FER1L6: variants seen among roughly 807,000 people sequenced by gnomAD.
FER1L6 encodes the protein fer-1 like family member 6.
A neutral mutation model predicts 219.2 loss-of-function variants in FER1L6; 177 were observed. The ratio of observed to expected loss-of-function variants is 0.81; its 90% CI spans 0.71 to 0.91. The LOEUF (loss-of-function observed/expected upper bound fraction) is 0.91. FER1L6 is among the 40% of genes least tolerant of loss of function. The pLI, the probability that FER1L6 is intolerant of heterozygous loss-of-function variation, is 0.00. For missense variants in FER1L6, 2,153 were observed against 2,259.9 expected, an observed-to-expected ratio of 0.95 and a Z score of 0.96; for synonymous variants, 768 against 824.3, an observed-to-expected ratio of 0.93 and a Z score of 1.17.
chr8:123,967,438 C>T (rs1006203004), intron 5 of FER1L6, among the ~76,000 whole-genome samples: 7 of 152,186 alleles, frequency 4.6e-5, no homozygotes, highest in Admixed American at 4.6e-4. Flanking sequence ...ATATACTAAA[C>T]CAGTCAGTCT....
In FER1L6 at chr8:123,882,978, G is replaced by C. The variant is rs1418080354; in HGVS notation, c.-8+30793G>C. On this transcript the variant is annotated intron_variant, in intron 1 of 40. Transcript: ENST00000522917. ...ATGATGGGGAAGGGTATACATGTGTGGGGGTTGGGGGTGTGTAGGAACTCT... is the reference window on the plus strand; with the variant it reads ...ATGATGGGGAAGGGTATACATGTGTCGGGGTTGGGGGTGTGTAGGAACTCT... 4.9e-4 allele frequency among the ~76,000 whole-genome samples: 75 copies of C among 152,178 alleles called. 1 individual carries two copies. Among genetic ancestry groups the C allele is most frequent in the Non-Finnish European group, 1.5e-5 (1 of 68,032 alleles).
chr8:123,948,509 T>C (rs1244647483), intron 1 of FER1L6, among the ~76,000 whole-genome samples: 1 of 152,240 alleles, frequency 6.6e-6, no homozygotes, highest in African/African-American at 2.4e-5. Flanking sequence ...TCATCTTATT[T>C]TGTAATTTCC....
At chr8:123,906,586 G>GGTCA (rs1335836021) in intron 1 of FER1L6, among the ~76,000 whole-genome samples, 1 of 151,948 alleles carries the variant, frequency 6.6e-6, no homozygotes, top group Non-Finnish European at 1.5e-5. Context: ...GATTACTTGT[G>GGTCA]GTCAGGAGTT....
At chr8:124,098,349 C>G (rs1040500620) in intron 37 of FER1L6, among the ~76,000 whole-genome samples, 1 of 152,090 alleles carries the variant, frequency 6.6e-6, no homozygotes, top group African/African-American at 2.4e-5. Flanking sequence ...CATCTTGGCT[C>G]TGCTTCCTTT....
At chr8:124,061,056 T>A (rs1209037117) in intron 24 of FER1L6, among the ~76,000 whole-genome samples, 4 of 152,196 alleles carry the variant, frequency 2.6e-5, no homozygotes, top group Non-Finnish European at 5.9e-5. Context: ...GAAGGCCAGA[T>A]GTTTCTGGTT....
intron 1 of FER1L6, among the ~76,000 whole-genome samples, chr8:123,946,207 G>A (rs1814478236): frequency 1.3e-5 from 2 of 152,088 alleles, no homozygotes; most frequent in Admixed American, 1.3e-4. Context: ...TCTCTGGACT[G>A]GACCTCAATT....
At chr8:123,882,860 C>T (rs28759021) in intron 1 of FER1L6, among the ~76,000 whole-genome samples, 21,287 of 151,960 alleles carry the variant, frequency 0.14, 1,526 homozygotes, top group Middle Eastern at 0.2. Context: ...AAGAGTGAAC[C>T]GTAATAAAAA....
chr8:124,015,761 A>G (rs547849820), intron 15 of FER1L6: 1 of 152,398 alleles, frequency 6.6e-6, no homozygotes, highest in South Asian at 2.1e-4. Flanking sequence ...TTGGGATGAT[A>G]GCTAATCATT....
rs752590780 is a variant in FER1L6 at position 124,023,451 on chromosome 8, A to C, written c.2141A>C (p.His714Pro). 3.1e-6 allele frequency: 5 copies of C among 1,613,836 alleles called. No homozygotes were observed. The African/African-American group carries it at 6.7e-5, about 22-fold the overall frequency. The change falls in exon 18 of 41, where the codon CAC becomes CCC. Residue 714 changes from histidine (H) to proline (P), a missense_variant. Coordinates refer to ENST00000522917, the MANE Select transcript of FER1L6 (RefSeq NM_001039112.2). ...KIRFLVDEPQ[H>P]TIPDVFIWML... Reference sequence around the variant, plus strand: ...CTCCCTCTATTCCCACAGCCCCAGCACACTATCCCTGACGTTTTCATCTGG... The same window carrying C: ...CTCCCTCTATTCCCACAGCCCCAGCCCACTATCCCTGACGTTTTCATCTGG...
chr8:123,937,427 G>C (rs768362701), intron 1 of FER1L6, among the ~76,000 whole-genome samples: 27 of 152,126 alleles, frequency 1.8e-4, no homozygotes, highest in Non-Finnish European at 3.4e-4. Context: ...CTGGACCAAT[G>C]GGTGAGGTCA....
At chr8:123,955,317 C>A (rs1422593544) in intron 1 of FER1L6, among the ~76,000 whole-genome samples, 1 of 152,164 alleles carries the variant, frequency 6.6e-6, no homozygotes, top group Non-Finnish European at 1.5e-5. Flanking sequence ...TGGCTTCCTG[C>A]TTATGGCTAA....
intron 15 of FER1L6, among the ~76,000 whole-genome samples, chr8:124,013,955 A>G (rs1176756092): frequency 1.3e-5 from 2 of 151,794 alleles, no homozygotes; most frequent in Non-Finnish European, 1.5e-5. Context: ...AAAATCAACT[A>G]TTTTCAGTGA....
At chr8:123,942,682 T>C (rs1481533420) in intron 1 of FER1L6, among the ~76,000 whole-genome samples, 2 of 152,216 alleles carry the variant, frequency 1.3e-5, no homozygotes, top group Admixed American at 1.3e-4. Context: ...CTTTTATGTA[T>C]CTTAAAAGGT....
At chr8:123,872,413 CA>C (rs893396074) in intron 1 of FER1L6, among the ~76,000 whole-genome samples, 2 of 152,120 alleles carry the variant, frequency 1.3e-5, no homozygotes, top group African/African-American at 4.8e-5. Context: ...CGAAGGTCAT[CA>C]AAAACGAAGT....
intron 13 of FER1L6, among the ~76,000 whole-genome samples, chr8:124,009,457 C>T (rs1817814612): frequency 6.6e-6 from 1 of 151,950 alleles, no homozygotes; most frequent in Non-Finnish European, 1.5e-5. Context: ...GCCGGTGCTG[C>T]ACTGATGTTG....
chr8:123,971,247 C>T (rs1480147636), intron 6 of FER1L6, among the ~76,000 whole-genome samples: 1 of 152,208 alleles, frequency 6.6e-6, no homozygotes, highest in Admixed American at 6.5e-5. Context: ...GGAATTATGA[C>T]ATTAACCTTC....
At chr8:124,010,852 T>C (rs771177574) in intron 14 of FER1L6, 138 bp downstream of exon 14, 3 of 1,207,542 alleles carry the variant, frequency 2.5e-6, no homozygotes, top group Non-Finnish European at 3.5e-6. Flanking sequence ...GGAGGGCACG[T>C]GGATCCTACT....
chr8:123,955,460 T>C (rs1814972457), intron 1 of FER1L6, among the ~76,000 whole-genome samples: 1 of 152,164 alleles, frequency 6.6e-6, no homozygotes, highest in South Asian at 2.1e-4. Flanking sequence ...GGTGATGGTG[T>C]TTACTCTGCT....
chr8:124,052,757 C>T (rs1820106657), intron 22 of FER1L6, among the ~76,000 whole-genome samples: 1 of 152,102 alleles, frequency 6.6e-6, no homozygotes, highest in African/African-American at 2.4e-5. Flanking sequence ...TGCACTCCAG[C>T]CTGGGCGACA....
Sources: allele counts gnomAD v4.1 joint callset (sites outside exome capture counted in the v4.1 genomes callset), GRCh38; gene constraint gnomAD v4.1.1; transcripts MANE v1.5; gene names NCBI Gene and HGNC (gene_info 2026-07-23, HGNC 2026-07-21).